Variants in PPP1R12A observed in about 807,000 individuals in gnomAD.
PPP1R12A encodes the protein protein phosphatase 1 regulatory subunit 12A.
PPP1R12A carries 19 observed loss-of-function variants against 139.6 expected under a neutral mutation model. The observed-to-expected ratio is 0.14, with a 90% CI of 0.09 to 0.20. PPP1R12A has a LOEUF of 0.20. Ranked by LOEUF, PPP1R12A falls within the 10% of genes least tolerant of loss-of-function variation. The pLI, the probability that PPP1R12A is intolerant of heterozygous loss-of-function variation, is 1.00. For missense variants in PPP1R12A, 925 were observed against 1,211.5 expected (o/e 0.76, Z 3.51); for synonymous variants, 427 against 420.6 (o/e 1.02, Z -0.19).
intron 2 of PPP1R12A, among the ~76,000 whole-genome samples, chr12:79,849,408 A>G (rs1041119204): frequency 6.6e-6 from 1 of 152,148 alleles, no homozygotes; most frequent in African/African-American, 2.4e-5. Context: ...AAAAAAAAGA[A>G]AGAAAGCAAT....
chr12:79,799,297 T>C (rs1872822243), intron 14 of PPP1R12A, among the ~76,000 whole-genome samples: 1 of 152,108 alleles, frequency 6.6e-6, no homozygotes, highest in African/African-American at 2.4e-5. Flanking sequence ...TACCTGCACA[T>C]ACCACCACGC....
intron 2 of PPP1R12A, among the ~76,000 whole-genome samples, chr12:79,859,844 G>A (rs1483706828): frequency 6.6e-6 from 1 of 152,186 alleles, no homozygotes; most frequent in Non-Finnish European, 1.5e-5. Context: ...AGCCCAGGAA[G>A]TCCAGGCTGC....
chr12:79,824,342 G>A (rs979777393), intron 5 of PPP1R12A, among the ~76,000 whole-genome samples: 4 of 152,040 alleles, frequency 2.6e-5, no homozygotes, highest in Non-Finnish European at 5.9e-5. Context: ...ATCATTTTAA[G>A]CATTATCAAC....
At chr12:79,797,529 G>C (rs918962940) in intron 15 of PPP1R12A, 134 bp from the exon 16 acceptor site, 10 of 793,262 alleles carry the variant, frequency 1.3e-5, no homozygotes, top group South Asian at 3.8e-5. Context: ...TTTGCAAATG[G>C]AAACAGCAAG....
intron 1 of PPP1R12A, among the ~76,000 whole-genome samples, chr12:79,895,219 G>A (rs1885026392): frequency 6.6e-6 from 1 of 152,046 alleles, no homozygotes. Context: ...GACTACTGCT[G>A]AGAAAAAGCA....
At chr12:79,811,672 ATAATAT>A (rs1351389907) in intron 9 of PPP1R12A, among the ~76,000 whole-genome samples, 1 of 152,244 alleles carries the variant, frequency 6.6e-6, no homozygotes, top group African/African-American at 2.4e-5. Context: ...TGGAACACAG[ATAATAT>A]TAATACACAA....
chr12:79,840,289 T>C (rs1011312396), intron 3 of PPP1R12A, among the ~76,000 whole-genome samples: 1 of 152,212 alleles, frequency 6.6e-6, no homozygotes, highest in Non-Finnish European at 1.5e-5. Flanking sequence ...GCCTGGCATA[T>C]AATAAGCATT....
At chr12:79,780,777 AATT>A (rs1361885577) in intron 23 of PPP1R12A, 2 of 152,204 alleles carry the variant, frequency 1.3e-5, no homozygotes, top group African/African-American at 2.4e-5. Context: ...ATATTTTAGC[AATT>A]ATTATGTCCA....
At chr12:79,892,785 A>T (rs534077405) in intron 1 of PPP1R12A, among the ~76,000 whole-genome samples, 1 of 152,286 alleles carries the variant, frequency 6.6e-6, no homozygotes, top group South Asian at 2.1e-4. Context: ...GTTTCCATGA[A>T]ACTACTGAAT....
chr12:79,782,719 G>C, intron 22 of PPP1R12A: 1 of 281,398 alleles, frequency 3.6e-6, no homozygotes, highest in South Asian at 3.0e-5. Flanking sequence ...TGGAATTCCT[G>C]GTCAATTTGC....
Position 79,822,108 on chromosome 12 carries a change from A to G in PPP1R12A, c.867+8T>C. On this transcript the variant is annotated splice_region_variant and intron_variant, in intron 6 of 24. Coordinates refer to ENST00000450142, the MANE Select transcript of PPP1R12A (RefSeq NM_002480.3). ...GTAATATAGGCAATTATTAGTCATC[A>G]AACATACCAGATTTTGTTTCTTTTG... is the stretch of plus-strand genomic sequence containing the variant. The G allele has an allele frequency of 1.3e-6, 2 of 1,515,416 alleles. No individual in the cohort carries two copies. Among genetic ancestry groups the G allele is most frequent in the Non-Finnish European group, 1.8e-6 (2 of 1,106,158 alleles). The allele number at this position is 1,515,416 out of a possible 1,614,324, so 93.9% of individuals were successfully genotyped here. A position where few individuals can be genotyped will look rare whatever the true frequency, so the allele number is the denominator to read the frequency against.
intron 9 of PPP1R12A, among the ~76,000 whole-genome samples, chr12:79,815,323 G>A (rs577748638): frequency 1.3e-5 from 2 of 152,198 alleles, no homozygotes; most frequent in Admixed American, 6.5e-5. Flanking sequence ...AAGGTCAGGA[G>A]TTCGAGAATA....
intron 1 of PPP1R12A, among the ~76,000 whole-genome samples, chr12:79,913,561 ATT>A (rs1886762282): frequency 6.6e-6 from 1 of 152,144 alleles, no homozygotes; most frequent in Non-Finnish European, 1.5e-5. Context: ...CTAACACCAC[ATT>A]GTCTTAATTA....
rs1191464876 is a variant in PPP1R12A, at chr12:79,823,328, A to G, written c.793-1138T>C. On this transcript the variant is annotated intron_variant, in intron 5 of 24. Transcript: ENST00000450142. ...GCAACAAAAAATATAATTCTGAAAG[A>G]AAGTTAAAATTTCTTAATAGTATTC... Among the ~76,000 whole-genome samples, 3 of 152,212 alleles carry G rather than the reference A, an allele frequency of 2.0e-5. No homozygotes were observed. The South Asian group carries it at 6.2e-4, about 31-fold the overall frequency.
chr12:79,793,234 G>A (rs1325049273), intron 19 of PPP1R12A, among the ~76,000 whole-genome samples: 2 of 152,110 alleles, frequency 1.3e-5, no homozygotes, highest in East Asian at 1.9e-4. Flanking sequence ...GAAGGGGGTC[G>A]GGGGAACTTT....
At chr12:79,871,114 G>GA (rs1025664747) in intron 2 of PPP1R12A, among the ~76,000 whole-genome samples, 17 of 152,094 alleles carry the variant, frequency 1.1e-4, no homozygotes, top group Non-Finnish European at 2.2e-4. Context: ...AAATTCAGAA[G>GA]AAAAAACTGA....
intron 1 of PPP1R12A, among the ~76,000 whole-genome samples, chr12:79,874,821 A>T (rs893561335): frequency 3.3e-5 from 5 of 152,186 alleles, no homozygotes; most frequent in African/African-American, 1.2e-4. Context: ...ATTGTTCCCC[A>T]CAATTGTTCC....
intron 3 of PPP1R12A, among the ~76,000 whole-genome samples, chr12:79,842,333 A>G (rs1386729621): frequency 6.6e-6 from 1 of 152,190 alleles, no homozygotes; most frequent in Non-Finnish European, 1.5e-5. Context: ...ACAAACCCGC[A>G]GTCATTAGGA....
At chr12:79,860,677 C>G (rs1881214434) in intron 2 of PPP1R12A, among the ~76,000 whole-genome samples, 2 of 152,172 alleles carry the variant, frequency 1.3e-5, no homozygotes, top group South Asian at 4.1e-4. Context: ...GGTATTGCCA[C>G]TGGAACTAGT....
Sources: gnomAD v4.1 joint callset for allele counts (sites outside exome capture counted in the v4.1 genomes callset) on GRCh38, gnomAD v4.1.1 for gene constraint, MANE v1.5 for transcripts, NCBI Gene and HGNC (gene_info 2026-07-23, HGNC 2026-07-21) for gene names.